NAV3: variants seen among roughly 807,000 people sequenced by gnomAD.
The protein encoded by NAV3 is neuron navigator 3.
NAV3 carries 87 observed loss-of-function variants against 244.7 expected under a neutral mutation model. The ratio of observed to expected loss-of-function variants is 0.36; its 90% confidence interval spans 0.30 to 0.42. The LOEUF (loss-of-function observed/expected upper bound fraction) is 0.42. Among genes scored for constraint, NAV3 ranks in the 20% least tolerant of loss-of-function variants. The pLI, the probability that NAV3 is intolerant of heterozygous loss-of-function variation, is 1.00. For synonymous variants in NAV3, 1,126 were observed against 1,042.2 expected, an observed-to-expected ratio of 1.08 and a Z score of -1.55; for missense variants, 2,663 against 2,893.3, an observed-to-expected ratio of 0.92 and a Z score of 1.83.
intron 8 of NAV3, among the ~76,000 whole-genome samples, chr12:78,009,180 A>C (rs1207109480): frequency 6.6e-6 from 1 of 152,158 alleles, no homozygotes; most frequent in Non-Finnish European, 1.5e-5. Flanking sequence ...CAAAAACAGG[A>C]AGCAGCACAG....
At chr12:78,168,100 ATTTAC>A (rs1334542316) in intron 23 of NAV3, among the ~76,000 whole-genome samples, 1 of 151,638 alleles carries the variant, frequency 6.6e-6, no homozygotes, top group Non-Finnish European at 1.5e-5. Context: ...CATATATTTT[ATTTAC>A]TTTATTCCTG....
chr12:77,665,987 ACT>A, intron 2 of NAV3, among the ~76,000 whole-genome samples: 1 of 152,210 alleles, frequency 6.6e-6, no homozygotes, highest in South Asian at 2.1e-4. Context: ...CCTAGGATAA[ACT>A]CTTTTTGACA....
In NAV3 at chr12:77,680,786, G is replaced by T. The variant is rs115341639; in HGVS notation, c.72+108520G>T. On this transcript the variant is annotated intron_variant, in intron 2 of 8. Transcript: ENST00000550042. ...GAATGGAAAGTTAAAAGAGAGTCTT[G>T]GTTTCATATAGGAGACAAGAACCAA... Among the ~76,000 whole-genome samples the T allele has an allele frequency of 3.9e-3, 591 of 152,052 alleles. 4 individuals carry two copies. Among genetic ancestry groups the T allele is most frequent in the African/African-American group, 0.014 (565 of 41,428 alleles).
rs181454845 is a variant in NAV3, at chr12:77,633,779, G to A, written c.72+61513G>A. On this transcript the variant is annotated intron_variant, in intron 2 of 8. Coordinates refer to the NAV3 transcript ENST00000550042. ...ACCATACACTACAATATTACTGATC[G>A]AGTTTGGGAAGAGTGTTAAAATATA... is the stretch of plus-strand genomic sequence containing the variant. 1.9e-3 allele frequency among the ~76,000 whole-genome samples: 290 copies of A among 152,184 alleles called. 2 individuals carry two copies. The highest frequency in any genetic ancestry group is 6.7e-3 in the African/African-American group (277 of 41,542).
chr12:77,895,309 T>TTGTGTG (rs71440496), intron 1 of NAV3, among the ~76,000 whole-genome samples: 3,135 of 148,542 alleles, frequency 0.021, 42 homozygotes, highest in African/African-American at 0.027. Context: ...TTTAGAATGA[T>TTGTGTG]TGTGTGTGTG....
At chr12:77,620,776 A>G (rs985628106) in intron 2 of NAV3, among the ~76,000 whole-genome samples, 4 of 152,110 alleles carry the variant, frequency 2.6e-5, no homozygotes, top group Admixed American at 1.3e-4. Flanking sequence ...TTGTGCTGCT[A>G]GGAAAAAGGA....
At chr12:78,096,680 C>T (rs1318119237) in intron 12 of NAV3, among the ~76,000 whole-genome samples, 10 of 152,080 alleles carry the variant, frequency 6.6e-5, no homozygotes, top group Admixed American at 6.5e-4. Flanking sequence ...GACAGGAAAA[C>T]CCGCCCCCTC....
intron 2 of NAV3, among the ~76,000 whole-genome samples, chr12:77,684,270 C>CTAT (rs35507814): frequency 0.9 from 135,976 of 151,556 alleles, 61,445 homozygotes; most frequent in East Asian, 1. Flanking sequence ...CCATTTTTAA[C>CTAT]TATTATTATT....
chr12:77,788,301 C>A (rs1255616256), intron 2 of NAV3, among the ~76,000 whole-genome samples: 1 of 152,170 alleles, frequency 6.6e-6, no homozygotes. Context: ...ATCCTGAATG[C>A]AGTGCAACAG....
intron 1 of NAV3, among the ~76,000 whole-genome samples, chr12:77,907,174 C>T (rs1241575315): frequency 6.6e-6 from 1 of 152,164 alleles, no homozygotes; most frequent in Non-Finnish European, 1.5e-5. Context: ...ATCAAAGTCT[C>T]TTACATAATG....
rs557911933 is a variant in NAV3 at position 77,939,035 on chromosome 12, T to C, written c.244-1284T>C. Among the ~76,000 whole-genome samples, 3 of 151,930 alleles carry C rather than the reference T, an allele frequency of 2.0e-5. No homozygotes were observed. The South Asian group carries it at 6.2e-4, about 32-fold the overall frequency. ...CTCTTCATACCAAATTATTCAAAAA[T>C]GGACAGGGTTGAAAGTTGTGGGGAG... On this transcript the variant is annotated intron_variant, in intron 1 of 39. Coordinates refer to ENST00000397909, the MANE Select transcript of NAV3 (RefSeq NM_001024383.2).
chr12:77,589,752 G>A (rs1869818840), intron 2 of NAV3, among the ~76,000 whole-genome samples: 1 of 152,182 alleles, frequency 6.6e-6, no homozygotes, highest in Non-Finnish European at 1.5e-5. Context: ...TCTGTGTGGG[G>A]ACACAGCCAA....
chr12:78,198,088 A>G (rs552631468), intron 35 of NAV3, among the ~76,000 whole-genome samples: 16 of 152,072 alleles, frequency 1.1e-4, no homozygotes, highest in Admixed American at 3.9e-4. Flanking sequence ...AAGAAAGGAC[A>G]TATAAGAATA....
rs61754964 is a variant in NAV3 at position 78,190,111 on chromosome 12, A to G, written c.6183A>G (p.Gly2061=). The change falls in exon 34 of 40, where the codon GGA becomes GGG. Residue 2061 remains glycine (G), a synonymous_variant. Transcript: ENST00000397909. ...TACTCTCAGGACCGAGTGGTACTGGAAAGACCTATTTGGCAAACAAACTTG... is the reference window on the plus strand; with the variant it reads ...TACTCTCAGGACCGAGTGGTACTGGGAAGACCTATTTGGCAAACAAACTTG... ...RIILSGPSGT[G]KTYLANKLAE... 6 of 1,613,186 alleles carry G rather than the reference A, an allele frequency of 3.7e-6. No homozygotes were observed. Among genetic ancestry groups the G allele is most frequent in the Non-Finnish European group, 5.1e-6 (6 of 1,179,512 alleles).
At chr12:77,829,313 A>AATATTTTTAT (rs1873349516), upstream of NAV3, among the ~76,000 whole-genome samples, 1 of 152,172 alleles carries the variant, frequency 6.6e-6, no homozygotes, top group African/African-American at 2.4e-5. Flanking sequence ...TGTAATTCTG[A>AATATTTTTAT]GTCACTTCCT....
intron 2 of NAV3, among the ~76,000 whole-genome samples, chr12:77,593,245 A>G (rs561187945): frequency 7.0e-6 from 1 of 142,092 alleles, no homozygotes; most frequent in East Asian, 2.2e-4. Flanking sequence ...CATTAATTCT[A>G]TGGTATATAT....
At chr12:78,182,051 G>A (rs561791479) in intron 30 of NAV3, among the ~76,000 whole-genome samples, 1 of 151,948 alleles carries the variant, frequency 6.6e-6, no homozygotes, top group Admixed American at 6.6e-5. Flanking sequence ...GTAAACTTCT[G>A]GTGGGGATTA....
intron 2 of NAV3, among the ~76,000 whole-genome samples, chr12:77,761,819 A>G (rs1869482463): frequency 6.6e-6 from 1 of 152,324 alleles, no homozygotes; most frequent in South Asian, 2.1e-4. Context: ...ATGCTTTTAC[A>G]CTGTTTGTAG....
At chr12:78,138,932 A>G (rs536090599) in intron 19 of NAV3, among the ~76,000 whole-genome samples, 1 of 152,250 alleles carries the variant, frequency 6.6e-6, no homozygotes, top group African/African-American at 2.4e-5. Flanking sequence ...CTTTATTGAT[A>G]TCCTACCTAA....
Sources: allele counts gnomAD v4.1 joint callset (sites outside exome capture counted in the v4.1 genomes callset), GRCh38; gene constraint gnomAD v4.1.1; transcripts MANE v1.5; gene names NCBI Gene and HGNC (gene_info 2026-07-23, HGNC 2026-07-21).